ZC3H12C: variants seen among roughly 807,000 people sequenced by gnomAD.
ZC3H12C encodes zinc finger CCCH-type containing 12C, also known as probable ribonuclease ZC3H12C.
Under a neutral mutation model 76.3 loss-of-function variants are expected in ZC3H12C, and 20 were observed. The observed-to-expected ratio is 0.26, with a 90% CI of 0.18 to 0.38. The LOEUF (loss-of-function observed/expected upper bound fraction) is 0.38, where lower values mean the gene tolerates loss of function less well. ZC3H12C is among the 10% of genes least tolerant of loss of function. ZC3H12C has a pLI of 1.00. For missense variants in ZC3H12C, 874 were observed against 1,086.5 expected, an observed-to-expected ratio of 0.80 and a Z score of 2.75; for synonymous variants, 352 against 399.6, an observed-to-expected ratio of 0.88 and a Z score of 1.42.
intron 1 of ZC3H12C, among the ~76,000 whole-genome samples, chr11:110,113,232 A>G (rs1452230935): frequency 6.6e-6 from 1 of 152,126 alleles, no homozygotes; most frequent in Non-Finnish European, 1.5e-5. Context: ...TATGGGAAAA[A>G]ATTTTCATCT....
intron 1 of ZC3H12C, among the ~76,000 whole-genome samples, chr11:110,113,426 C>T (rs1038282808): frequency 6.6e-6 from 1 of 152,000 alleles, no homozygotes; most frequent in African/African-American, 2.4e-5. Flanking sequence ...TTTGCTGCTA[C>T]ATCTTGTTAT....
intron 1 of ZC3H12C, among the ~76,000 whole-genome samples, chr11:110,107,059 T>G (rs1446809271): frequency 6.6e-6 from 1 of 152,200 alleles, no homozygotes; most frequent in Non-Finnish European, 1.5e-5. Flanking sequence ...CCTGTAATGG[T>G]CAAATGTGAT....
rs573626459 is a variant in ZC3H12C at position 110,170,734 on chromosome 11, G to C, written c.*4997G>C. ...TTCACAGTGCTTTATACCGGGTGTT[G>C]CATCAGTAATCATTTTCATAAGAAC... is the stretch of plus-strand genomic sequence containing the variant. On this transcript the variant is annotated 3_prime_UTR_variant, in exon 6 of 6. Coordinates refer to ENST00000278590, the MANE Select transcript of ZC3H12C (RefSeq NM_033390.2). 2.6e-4 allele frequency: 40 copies of C among 152,304 alleles called. No individual in the cohort carries two copies. The highest frequency in any genetic ancestry group is 9.4e-4 in the African/African-American group (39 of 41,572). The allele number at this position is 152,304 out of a possible 1,614,324, so 9.4% of individuals were successfully genotyped here.
chr11:110,100,401 G>A (rs1239057917), intron 1 of ZC3H12C, among the ~76,000 whole-genome samples: 1 of 152,060 alleles, frequency 6.6e-6, no homozygotes, highest in African/African-American at 2.4e-5. Context: ...TAAACAAAAG[G>A]AAGTACAGGC....
chr11:110,106,466 C>T (rs1454666119), intron 1 of ZC3H12C, among the ~76,000 whole-genome samples: 1 of 152,140 alleles, frequency 6.6e-6, no homozygotes. Context: ...AGATTGAGTT[C>T]CTGCTGTGAC....
chr11:110,156,496 A>G (rs1299716488), intron 3 of ZC3H12C, among the ~76,000 whole-genome samples: 1 of 152,246 alleles, frequency 6.6e-6, no homozygotes, highest in Admixed American at 6.5e-5. Context: ...CTCATTAACA[A>G]TTAAAGAAAT....
chr11:110,103,272 T>A (rs929481525), intron 1 of ZC3H12C, among the ~76,000 whole-genome samples: 1 of 152,248 alleles, frequency 6.6e-6, no homozygotes, highest in African/African-American at 2.4e-5. Flanking sequence ...TTACTTCTCT[T>A]AGTAAAATAT....
At chr11:110,118,519 G>A (rs140222936) in intron 1 of ZC3H12C, among the ~76,000 whole-genome samples, 2 of 152,262 alleles carry the variant, frequency 1.3e-5, no homozygotes, top group African/African-American at 2.4e-5. Context: ...AATACAAGCC[G>A]GGCACGGTGG....
chr11:110,103,678 T>C (rs1861262272), intron 1 of ZC3H12C, among the ~76,000 whole-genome samples: 1 of 151,818 alleles, frequency 6.6e-6, no homozygotes, highest in African/African-American at 2.4e-5. Flanking sequence ...CGAACTCGGC[T>C]CACTGCAAGC....
chr11:110,094,484 G>A (rs965731096), intron 1 of ZC3H12C, among the ~76,000 whole-genome samples: 7 of 152,192 alleles, frequency 4.6e-5, no homozygotes, highest in Admixed American at 3.9e-4. Context: ...CGGAAAACGA[G>A]ATAAACCTCA....
At chr11:110,130,748 C>T (rs1026248320) in intron 1 of ZC3H12C, among the ~76,000 whole-genome samples, 8 of 152,244 alleles carry the variant, frequency 5.3e-5, no homozygotes, top group Non-Finnish European at 4.4e-5. Context: ...TCTCATAGAG[C>T]AGCTGCCTAC....
At chr11:110,154,649 A>G (rs189449687) in intron 3 of ZC3H12C, among the ~76,000 whole-genome samples, 1 of 152,146 alleles carries the variant, frequency 6.6e-6, no homozygotes, top group African/African-American at 2.4e-5. Context: ...AGAGACCATA[A>G]GAATTTTCTA....
At chr11:110,094,627 A>C (rs1861080966) in intron 1 of ZC3H12C, among the ~76,000 whole-genome samples, 1 of 152,224 alleles carries the variant, frequency 6.6e-6, no homozygotes, top group Non-Finnish European at 1.5e-5. Context: ...AATTAATTTT[A>C]GTAGCAGTTT....
rs1473376521 is a variant in ZC3H12C, at chr11:110,137,209, G to A, written c.568G>A (p.Ala190Thr). 1 of 1,613,802 alleles carries A rather than the reference G, an allele frequency of 6.2e-7. No individual in the cohort carries two copies. The highest frequency in any genetic ancestry group is 1.3e-5 in the African/African-American group (1 of 74,938). ...QLVLNKLGTD[A>T]LINDILGELV... ...TGTACTAAACAAACTTGGTACTGATGCTTTAATCAATGATATTTTGGGAGA... is the reference window on the plus strand; with the variant it reads ...TGTACTAAACAAACTTGGTACTGATACTTTAATCAATGATATTTTGGGAGA... The change falls in exon 2 of 6, where the codon GCT becomes ACT. Residue 190 changes from alanine (A) to threonine (T), a missense_variant. By Grantham distance (58) the Ala-to-Thr change is moderately conservative. Around this residue, in one of 3 missense-constraint regions of ZC3H12C, gnomAD observed 210 missense variants for 227.1 expected, o/e 0.92. Transcript: ENST00000278590.
chr11:110,161,215 G>A (rs1158404255), intron 4 of ZC3H12C, among the ~76,000 whole-genome samples: 1 of 152,118 alleles, frequency 6.6e-6, no homozygotes, highest in Admixed American at 6.5e-5. Flanking sequence ...TACGACTGGG[G>A]GCATGGTAGC....
At chr11:110,123,752 T>C (rs1861690830) in intron 1 of ZC3H12C, among the ~76,000 whole-genome samples, 1 of 152,246 alleles carries the variant, frequency 6.6e-6, no homozygotes, top group Non-Finnish European at 1.5e-5. Context: ...AAACTCTTTT[T>C]ATTCTTGAGT....
chr11:110,138,403 A>G (rs1246300735), intron 2 of ZC3H12C, among the ~76,000 whole-genome samples: 3 of 152,184 alleles, frequency 2.0e-5, no homozygotes, highest in African/African-American at 7.2e-5. Context: ...CAAACCATGT[A>G]TGTCATATTA....
chr11:110,162,424 C>T (rs529392226), intron 4 of ZC3H12C, among the ~76,000 whole-genome samples: 15 of 152,296 alleles, frequency 9.8e-5, no homozygotes, highest in African/African-American at 3.6e-4. Flanking sequence ...TGTTGACACT[C>T]CTGTAAGGGT....
chr11:110,119,017 A>G, intron 1 of ZC3H12C, among the ~76,000 whole-genome samples: 1 of 152,152 alleles, frequency 6.6e-6, no homozygotes, highest in Non-Finnish European at 1.5e-5. Context: ...AAGCAATTCC[A>G]AAGAGTATCT....
Sources: allele counts gnomAD v4.1 joint callset (sites outside exome capture counted in the v4.1 genomes callset), GRCh38; gene constraint gnomAD v4.1.1; regional missense constraint gnomAD v4.1.1; transcripts MANE v1.5; gene names NCBI Gene and HGNC (gene_info 2026-07-23, HGNC 2026-07-21).